The following RAB27B variants were observed in gnomAD, a reference collection of about 807,000 sequenced individuals.
The protein encoded by RAB27B is RAB27B, member RAS oncogene family.
Under a neutral mutation model 24.6 loss-of-function variants are expected in RAB27B, and 15 were observed. The observed-to-expected ratio is 0.61, with a 90% CI of 0.41 to 0.94. The LOEUF is 0.94. RAB27B is among the 40% of genes least tolerant of loss of function. RAB27B has a pLI of 0.00. For synonymous variants in RAB27B, 105 were observed against 92.5 expected, an observed-to-expected ratio of 1.14 and a Z score of -0.78; for missense variants, 261 against 266.8, an observed-to-expected ratio of 0.98 and a Z score of 0.15.
chr18:54,861,496 C>T (rs1349423390), intron 1 of RAB27B, among the ~76,000 whole-genome samples: 2 of 152,040 alleles, frequency 1.3e-5, no homozygotes, highest in Non-Finnish European at 2.9e-5. Flanking sequence ...GAATCAGGCG[C>T]CTATGGTGGG....
At chr18:54,722,860 C>T (rs1285874783) in intron 2 of RAB27B, among the ~76,000 whole-genome samples, 1 of 152,146 alleles carries the variant, frequency 6.6e-6, no homozygotes, top group Non-Finnish European at 1.5e-5. Flanking sequence ...AATGGTTCAA[C>T]AATATTTTTC....
At chr18:54,852,436 A>T (rs141503019) in intron 1 of RAB27B, among the ~76,000 whole-genome samples, 1 of 152,294 alleles carries the variant, frequency 6.6e-6, no homozygotes, top group East Asian at 1.9e-4. Context: ...TCTTCACACT[A>T]TTCAGAAACT....
At chr18:54,816,921 A>G (rs1910139161) in intron 2 of RAB27B, among the ~76,000 whole-genome samples, 2 of 152,360 alleles carry the variant, frequency 1.3e-5, no homozygotes, top group Non-Finnish European at 2.9e-5. Context: ...AGAAAAATAT[A>G]CAAATGTTTT....
Position 54,753,917 on chromosome 18 carries a change from T to A in RAB27B, c.-20+35776T>A, listed in dbSNP as rs551389141. Among the ~76,000 whole-genome samples, 49 of 152,296 alleles carry A rather than the reference T, an allele frequency of 3.2e-4. 1 individual carries two copies. The highest frequency in any genetic ancestry group is 1.2e-3 in the African/African-American group (49 of 41,570). ...AAATATTTATACCAGCAGACCCAAC[T>A]GTTTATGGATTCTCTATCTCCACTT... On this transcript the variant is annotated intron_variant, in intron 2 of 4. Coordinates refer to the RAB27B transcript ENST00000586570.
chr18:54,886,525 A>G (rs899768339), intron 4 of RAB27B, among the ~76,000 whole-genome samples: 2 of 152,164 alleles, frequency 1.3e-5, no homozygotes, highest in African/African-American at 4.8e-5. Context: ...TAATGGGGAA[A>G]CAAATTCTGA....
chr18:54,754,111 G>T (rs1031288354), intron 2 of RAB27B, among the ~76,000 whole-genome samples: 1 of 152,172 alleles, frequency 6.6e-6, no homozygotes, highest in Non-Finnish European at 1.5e-5. Flanking sequence ...TAATCTCCAG[G>T]TGTTGAGGGA....
At chr18:54,872,017 G>A (rs370987061) in intron 1 of RAB27B, among the ~76,000 whole-genome samples, 3 of 152,132 alleles carry the variant, frequency 2.0e-5, no homozygotes, top group East Asian at 1.9e-4. Context: ...CCATCAACAC[G>A]TAACTGTAGC....
intron 1 of RAB27B, among the ~76,000 whole-genome samples, chr18:54,831,353 T>C (rs1040905735): frequency 6.8e-6 from 1 of 148,024 alleles, no homozygotes; most frequent in Non-Finnish European, 1.5e-5. Flanking sequence ...ACAGAGGGAG[T>C]GAGATGGGGG....
chr18:54,885,421 G>A (rs1034416736), intron 4 of RAB27B, among the ~76,000 whole-genome samples: 8 of 152,204 alleles, frequency 5.3e-5, no homozygotes, highest in African/African-American at 1.2e-4. Context: ...GGCTTCCTCC[G>A]TAATTCCCTC....
chr18:54,752,338 C>A (rs544181773), intron 2 of RAB27B, among the ~76,000 whole-genome samples: 42 of 152,254 alleles, frequency 2.8e-4, no homozygotes, highest in Admixed American at 1.1e-3. Context: ...ACCGATGAAA[C>A]AATCCATGCT....
chr18:54,769,825 T>C (rs1908486478), intron 2 of RAB27B, among the ~76,000 whole-genome samples: 1 of 152,188 alleles, frequency 6.6e-6, no homozygotes, highest in Non-Finnish European at 1.5e-5. Flanking sequence ...CACATTTTTC[T>C]CCACTGAATT....
At chr18:54,879,783 T>C in intron 3 of RAB27B, 1 of 217,692 alleles carries the variant, frequency 4.6e-6, no homozygotes. Flanking sequence ...TTATAAGTGC[T>C]ACTTGAAGAG....
intron 2 of RAB27B, among the ~76,000 whole-genome samples, chr18:54,771,072 T>C (rs1480501859): frequency 6.6e-6 from 1 of 152,116 alleles, no homozygotes; most frequent in Non-Finnish European, 1.5e-5. Flanking sequence ...GAAGATGGAT[T>C]AGACTGCAGT....
intron 2 of RAB27B, among the ~76,000 whole-genome samples, chr18:54,724,249 C>A (rs572724315): frequency 6.6e-6 from 1 of 151,654 alleles, no homozygotes; most frequent in African/African-American, 2.4e-5. Flanking sequence ...CATGACTTAG[C>A]AACAGCATAT....
At chr18:54,860,129 G>A (rs981531239) in intron 1 of RAB27B, among the ~76,000 whole-genome samples, 3 of 152,138 alleles carry the variant, frequency 2.0e-5, no homozygotes, top group African/African-American at 7.2e-5. Context: ...CATATCAAGA[G>A]TAGAGAGGAA....
intron 3 of RAB27B, among the ~76,000 whole-genome samples, chr18:54,883,691 T>C (rs997288162): frequency 1.3e-5 from 2 of 152,118 alleles, no homozygotes; most frequent in African/African-American, 2.4e-5. Context: ...GAGAGTTCTT[T>C]CCTTCTTTCC....
At chr18:54,869,087 A>C (rs533343374) in intron 1 of RAB27B, among the ~76,000 whole-genome samples, 3 of 152,262 alleles carry the variant, frequency 2.0e-5, no homozygotes, top group African/African-American at 7.2e-5. Flanking sequence ...GTTTTAAAGG[A>C]TATATTAATT....
chr18:54,795,499 C>A (rs527641356), intron 2 of RAB27B, among the ~76,000 whole-genome samples: 3 of 152,102 alleles, frequency 2.0e-5, no homozygotes, highest in Non-Finnish European at 4.4e-5. Context: ...GAGGTTTATG[C>A]AGCAGGGAAG....
In RAB27B at chr18:54,845,549, C is replaced by A. The variant is rs117860056; in HGVS notation, c.-20+16849C>A. 6.3e-3 allele frequency among the ~76,000 whole-genome samples: 963 copies of A among 151,994 alleles called. 33 individuals carry two copies. The highest frequency in any genetic ancestry group is 0.054 in the Admixed American group (828 of 15,272). On this transcript the variant is annotated intron_variant, in intron 1 of 5. Coordinates refer to ENST00000262094, the MANE Select transcript of RAB27B (RefSeq NM_004163.4). ...ATTGTGAAATAAGTTAATACCGTCT[C>A]GTTTTTAGCCTCACCTTGTTTTTCC...
Sources: allele counts gnomAD v4.1 joint callset (sites outside exome capture counted in the v4.1 genomes callset), GRCh38; gene constraint gnomAD v4.1.1; transcripts MANE v1.5; gene names NCBI Gene and HGNC (gene_info 2026-07-23, HGNC 2026-07-21).